CD163L1: variants seen among roughly 807,000 people sequenced by gnomAD.
The protein encoded by CD163L1 is CD163 molecule like 1, also known as scavenger receptor cysteine-rich type 1 protein M160.
In CD163L1, 124 loss-of-function variants were observed where a neutral mutation model predicts 165.4. The observed-to-expected ratio is 0.75, with a 90% CI of 0.65 to 0.87. The LOEUF is 0.87. CD163L1 is among the 40% of genes least tolerant of loss of function. The pLI is 0.00. For missense variants in CD163L1, 1,525 were observed against 1,799.9 expected, an observed-to-expected ratio of 0.85 and a Z score of 2.76; for synonymous variants, 585 against 662.2, an observed-to-expected ratio of 0.88 and a Z score of 1.79.
chr12:7,328,947 A>C, the CD163L1 span, among the ~76,000 whole-genome samples: 1 of 149,250 alleles, frequency 6.7e-6, no homozygotes, highest in Non-Finnish European at 1.5e-5. Flanking sequence ...GTATATATGT[A>C]TATATACTGT....
chr12:7,340,180 A>T, the CD163L1 span, among the ~76,000 whole-genome samples: 1 of 152,180 alleles, frequency 6.6e-6, no homozygotes, highest in African/African-American at 2.4e-5. Context: ...AGATACCCTG[A>T]AGAGGTTTCC....
At chr12:7,443,583 A>G (rs1948855987) in intron 1 of CD163L1, among the ~76,000 whole-genome samples, 1 of 152,222 alleles carries the variant, frequency 6.6e-6, no homozygotes, top group African/African-American at 2.4e-5. Context: ...TATAGCAGAA[A>G]GATCAAGGGC....
At chr12:7,431,774 A>C (rs1948633533) in intron 4 of CD163L1, among the ~76,000 whole-genome samples, 3 of 152,120 alleles carry the variant, frequency 2.0e-5, no homozygotes, top group Admixed American at 1.3e-4. Flanking sequence ...GTGATCCCTT[A>C]TTTCTGACTT....
At chr12:7,355,819 G>A (rs1244565483) in intron 19 of CD163L1, among the ~76,000 whole-genome samples, 3 of 152,112 alleles carry the variant, frequency 2.0e-5, no homozygotes, top group Non-Finnish European at 4.4e-5. Flanking sequence ...ACAAGAAGAT[G>A]ACTGCCTGCA....
chr12:7,330,631 G>C, the CD163L1 span, among the ~76,000 whole-genome samples: 1 of 152,206 alleles, frequency 6.6e-6, no homozygotes, highest in African/African-American at 2.4e-5. Context: ...CAAATTTAGA[G>C]AAAGGGTTCC....
rs1401899892 is a variant in CD163L1, at chr12:7,406,553, C to T, written c.1066G>A (p.Asp356Asn). Residue 356 changes from aspartate (D) to asparagine (N), a missense_variant, in exon 5 of 20, where the codon GAT becomes AAT. Asp to Asn is a conservative substitution (Grantham distance 23). Transcript: ENST00000313599. ...TVNFDCLHQN[D>N]VSVICSDGAD... Reference sequence around the variant, plus strand: ...TTACCTGAGCAGATCACAGACACATCGTTTTGATGAAGACAGTCAAAATTG... The same window carrying T: ...TTACCTGAGCAGATCACAGACACATTGTTTTGATGAAGACAGTCAAAATTG... 4 of 1,613,856 alleles carry T rather than the reference C, an allele frequency of 2.5e-6. No homozygotes were observed. Among genetic ancestry groups the T allele is most frequent in the Non-Finnish European group, 3.4e-6 (4 of 1,179,954 alleles).
At position 7,416,849 on chromosome 12, in the gene CD163L1, C is replaced by G. The variant is rs111693112; in HGVS notation, c.767-9997G>C. Among the ~76,000 whole-genome samples the G allele has an allele frequency of 2.6e-5, 4 of 152,086 alleles. No individual in the cohort carries two copies. In the East Asian group the frequency reaches 7.7e-4, roughly 29 times the overall value. Reference sequence around the variant, plus strand: ...TGAGGTATAGTTTAAAGTCAGATAGCATGATGCCTCCAGCTTTGTTCTTTT... The same window carrying G: ...TGAGGTATAGTTTAAAGTCAGATAGGATGATGCCTCCAGCTTTGTTCTTTT... On this transcript the variant is annotated intron_variant, in intron 4 of 19. Coordinates refer to ENST00000313599, the MANE Select transcript of CD163L1 (RefSeq NM_174941.6).
At chr12:7,407,384 T>C (rs1306399727) in intron 4 of CD163L1, among the ~76,000 whole-genome samples, 1 of 152,024 alleles carries the variant, frequency 6.6e-6, no homozygotes, top group Non-Finnish European at 1.5e-5. Context: ...TACTCTTGAA[T>C]GAAATGGAAC....
At chr12:7,379,920 C>T (rs962378995) in intron 8 of CD163L1, among the ~76,000 whole-genome samples, 5 of 149,376 alleles carry the variant, frequency 3.3e-5, no homozygotes, top group African/African-American at 9.9e-5. Context: ...CAGGAAAATG[C>T]AAATCAAAAC....
intron 5 of CD163L1, 79 bp from the exon 6 acceptor site, chr12:7,403,934 A>G (rs1947964395): frequency 9.0e-7 from 1 of 1,106,812 alleles, no homozygotes; most frequent in Non-Finnish European, 1.3e-6. Context: ...AACCCCTCCA[A>G]TGTGAAGATT....
At chr12:7,364,642 A>C (rs770316054) in intron 18 of CD163L1, among the ~76,000 whole-genome samples, 1 of 152,284 alleles carries the variant, frequency 6.6e-6, no homozygotes, top group South Asian at 2.1e-4. Flanking sequence ...ATATAACCCA[A>C]TAGCAAATAA....
At chr12:7,362,240 TTA>T (rs1254405331) in intron 18 of CD163L1, among the ~76,000 whole-genome samples, 2 of 143,654 alleles carry the variant, frequency 1.4e-5, no homozygotes, top group Non-Finnish European at 3.0e-5. Context: ...TATATATTAC[TTA>T]TGTTATAGAT....
chr12:7,404,031 GATTTTAAAGATTGAA>G (rs1214028712), intron 5 of CD163L1, among the ~76,000 whole-genome samples, 176 bp from the exon 6 acceptor site: 2 of 151,598 alleles, frequency 1.3e-5, no homozygotes, highest in Non-Finnish European at 2.9e-5. Flanking sequence ...AAATTTTAAA[GATTTTAAAGATTGAA>G]ATTTTAAAGA....
intron 8 of CD163L1, among the ~76,000 whole-genome samples, chr12:7,390,742 AG>A (rs1487164502): frequency 6.6e-6 from 1 of 152,214 alleles, no homozygotes; most frequent in Non-Finnish European, 1.5e-5. Flanking sequence ...CATTCATCTT[AG>A]AAAAGAATGT....
chr12:7,433,571 G>A lies in CD163L1; in HGVS notation c.248C>T (p.Thr83Ile), dbSNP rs1368747449. Residue 83 changes from threonine to isoleucine, a missense_variant, in exon 3 of 20, where the codon ACT becomes ATT. By Grantham distance (89) the Thr-to-Ile change is moderately conservative. Coordinates refer to ENST00000313599, the MANE Select transcript of CD163L1 (RefSeq NM_174941.6). ...ACATCCAAGCTGTTTGCACACGACA[G>A]TTGAGGCAGTAGTGTTCCACCCATC... ...CDDGWNTTAS[T>I]VVCKQLGCPF... 6.2e-7 allele frequency: 1 copy of A among 1,614,174 alleles called. No individual in the cohort carries two copies. Among genetic ancestry groups the A allele is most frequent in the Admixed American group, 1.7e-5 (1 of 60,014 alleles).
In CD163L1 at chr12:7,398,114, A is replaced by T; in HGVS notation, c.1729+150T>A. The T allele has an allele frequency of 1.5e-6, 1 of 647,750 alleles. No individual in the cohort carries two copies. The highest frequency in any genetic ancestry group is 2.1e-5 in the South Asian group (1 of 48,080). The allele number at this position is 647,750 out of a possible 1,614,324, so 40.1% of individuals were successfully genotyped here. On this transcript the variant is annotated intron_variant, in intron 7 of 19. Transcript: ENST00000313599. This position sits in a 1 kb window ranked among gnomAD's most constrained non-coding sequence, Gnocchi z 4.5. ...TTACCTGTATAAGTGGAAGAGTTCC[A>T]GGTGAAGTGAACTGAAGTCTAATTT...
Position 7,374,924 on chromosome 12 carries a change from C to T in CD163L1, c.3002-1G>A. The T allele has an allele frequency of 6.2e-7, 1 of 1,614,088 alleles. No individual in the cohort carries two copies. Among genetic ancestry groups the T allele is most frequent in the Non-Finnish European group, 8.5e-7 (1 of 1,179,990 alleles). ...GGAAACAGTGGCTGGGTCAGGCTTC[C>T]TGGTGGAGGGTGCAGGAAATGGGGC... On this transcript the variant is annotated splice_acceptor_variant, in intron 11 of 19. Coordinates refer to ENST00000313599, the MANE Select transcript of CD163L1 (RefSeq NM_174941.6). LOFTEE classifies it high-confidence loss of function. The surrounding 1 kb of genome is among the most constrained non-coding windows in gnomAD (Gnocchi z 5.4).
At chr12:7,324,269 C>T in the CD163L1 span, 4 of 1,611,350 alleles carry the variant, frequency 2.5e-6, no homozygotes, top group Non-Finnish European at 3.4e-6. Flanking sequence ...TCCTTGGTTC[C>T]CAGGACAATC....
the CD163L1 span, among the ~76,000 whole-genome samples, chr12:7,338,050 C>T: frequency 6.6e-6 from 1 of 152,110 alleles, no homozygotes; most frequent in Non-Finnish European, 1.5e-5. Flanking sequence ...TCATTCTCAG[C>T]GAACTAACAC....
Sources: gnomAD v4.1 joint callset for allele counts (sites outside exome capture counted in the v4.1 genomes callset) on GRCh38, gnomAD v4.1.1 for gene constraint, Gnocchi (gnomAD v3.1) non-coding constraint, MANE v1.5 for transcripts, NCBI Gene and HGNC (gene_info 2026-07-23, HGNC 2026-07-21) for gene names.